The following DENND4A variants were observed in gnomAD, a reference collection of about 807,000 sequenced individuals.
DENND4A encodes DENN domain containing 4A.
Under a neutral mutation model 199.3 loss-of-function variants are expected in DENND4A, and 70 were observed. The ratio of observed to expected loss-of-function variants is 0.35; its 90% CI spans 0.29 to 0.43. The LOEUF (loss-of-function observed/expected upper bound fraction) is 0.43, where lower values mean the gene tolerates loss of function less well. Ranked by LOEUF, DENND4A falls within the 20% of genes least tolerant of loss-of-function variation. The pLI is 1.00. For missense variants in DENND4A, 1,723 were observed against 2,255.8 expected (o/e 0.76, Z 4.78); for synonymous variants, 686 against 766.9 (o/e 0.89, Z 1.74).
At chr15:65,729,809 T>C in intron 9 of DENND4A, 131 bp from the exon 10 acceptor site, 1 of 803,644 alleles carries the variant, frequency 1.2e-6, no homozygotes, top group Non-Finnish European at 1.9e-6. Context: ...ACAATTTGTA[T>C]TATATATTCA....
chr15:65,660,264 T>C lies in DENND4A; in HGVS notation c.*1587A>G. The stretch of plus-strand genomic sequence containing the variant: ...TGAAGTTTTACATTTTTAAACTCTC[T>C]CCATTATTTCCCAGAGTTGGAAGCT... On this transcript the variant is annotated 3_prime_UTR_variant, in exon 33 of 33. Transcript: ENST00000443035. 6.5e-7 allele frequency: 1 copy of C among 1,532,778 alleles called. No homozygotes were observed. The allele number at this position is 1,532,778 out of a possible 1,614,324, so 94.9% of individuals were successfully genotyped here. A position where few individuals can be genotyped will look rare whatever the true frequency, so the allele number is the denominator to read the frequency against.
chr15:65,748,940 C>T (rs941774289), intron 4 of DENND4A, among the ~76,000 whole-genome samples: 6 of 150,754 alleles, frequency 4.0e-5, no homozygotes, highest in South Asian at 2.1e-4. Context: ...CTACAATGAG[C>T]CATGAGCAGT....
intron 9 of DENND4A, among the ~76,000 whole-genome samples, chr15:65,731,014 G>A (rs1365026856): frequency 1.3e-5 from 2 of 151,940 alleles, no homozygotes; most frequent in African/African-American, 2.4e-5. Context: ...TTGTCACTCT[G>A]GGCTGAGAGC....
chr15:65,749,183 T>C (rs1379510317), intron 4 of DENND4A, among the ~76,000 whole-genome samples: 1 of 152,160 alleles, frequency 6.6e-6, no homozygotes, highest in Non-Finnish European at 1.5e-5. Flanking sequence ...TGCGCTTTGA[T>C]CCAGAAATTC....
intron 29 of DENND4A, 55 bp from the exon 30 acceptor site, chr15:65,665,517 G>A: frequency 1.5e-6 from 2 of 1,332,558 alleles, no homozygotes; most frequent in Non-Finnish European, 1.0e-6. Context: ...TTTTTCATAA[G>A]TATTTTATAA....
chr15:65,762,429 G>A (rs1420622396), intron 1 of DENND4A, among the ~76,000 whole-genome samples: 1 of 152,104 alleles, frequency 6.6e-6, no homozygotes, highest in Non-Finnish European at 1.5e-5. Flanking sequence ...TTCAAAGCCA[G>A]CCTGGGCAAT....
intron 23 of DENND4A, among the ~76,000 whole-genome samples, chr15:65,685,416 G>A (rs2076740545): frequency 1.3e-5 from 2 of 152,066 alleles, no homozygotes; most frequent in African/African-American, 4.8e-5. Context: ...GTGAGCCACC[G>A]CCAGCCCACA....
rs557296523 is a variant in DENND4A, at chr15:65,690,066, T to C, written c.4179+349A>G. 2.0e-5 allele frequency among the ~76,000 whole-genome samples: 3 copies of C among 152,288 alleles called. No homozygotes were observed. In the East Asian group the frequency reaches 5.8e-4, roughly 29 times the overall value. On this transcript the variant is annotated intron_variant, in intron 23 of 32. Coordinates refer to ENST00000443035, the MANE Select transcript of DENND4A (RefSeq NM_001320835.1). The stretch of plus-strand genomic sequence containing the variant: ...CCATCCTAACCAGAAGGGCAAATCA[T>C]ATGCCTGACTGGTAATTTTTGAGGG...
At chr15:65,741,368 T>C (rs1833785464) in intron 5 of DENND4A, among the ~76,000 whole-genome samples, 1 of 152,220 alleles carries the variant, frequency 6.6e-6, no homozygotes, top group African/African-American at 2.4e-5. Context: ...TGAAACATGA[T>C]TTCATGTGAA....
chr15:65,729,236 A>C lies in DENND4A; in HGVS notation c.1323T>G (p.Pro441=), dbSNP rs750828625. The change falls in exon 11 of 33, where the codon CCT becomes CCG. Residue 441 remains proline (P), a synonymous_variant. Transcript: ENST00000443035. ...VTEALVSMIF[P]FHWPCPYVPL... ...GAACATACGGGCATGGCCAGTGGAAAGGGAAAATCATCTTGGATAAACAAA... is the reference window on the plus strand; with the variant it reads ...GAACATACGGGCATGGCCAGTGGAACGGGAAAATCATCTTGGATAAACAAA... 1 of 1,574,004 alleles carries C rather than the reference A, an allele frequency of 6.4e-7. No homozygotes were observed. Among genetic ancestry groups the C allele is most frequent in the Non-Finnish European group, 8.6e-7 (1 of 1,158,856 alleles).
intron 1 of DENND4A, among the ~76,000 whole-genome samples, chr15:65,763,535 G>A (rs551945207): frequency 1.3e-5 from 2 of 152,048 alleles, no homozygotes; most frequent in South Asian, 4.2e-4. Context: ...GTAGCCAGGT[G>A]TTGGTGGTGC....
At chr15:65,734,102 AAG>A (rs2076040866) in intron 7 of DENND4A, among the ~76,000 whole-genome samples, 1 of 152,128 alleles carries the variant, frequency 6.6e-6, no homozygotes, top group Admixed American at 6.5e-5. Context: ...GGATTAGTAT[AAG>A]AGGAAGGCAT....
intron 24 of DENND4A, 44 bp downstream of exon 24, chr15:65,676,401 A>C (rs1289596607): frequency 2.8e-6 from 4 of 1,406,644 alleles, no homozygotes; most frequent in Non-Finnish European, 3.8e-6. Context: ...AATTCAAATG[A>C]AACTACAAAT....
chr15:65,787,593 C>T (rs759578674), intron 1 of DENND4A, among the ~76,000 whole-genome samples: 2 of 152,152 alleles, frequency 1.3e-5, no homozygotes, highest in African/African-American at 4.8e-5. Flanking sequence ...ATAGCATTCC[C>T]GAACCTACAA....
intron 23 of DENND4A, among the ~76,000 whole-genome samples, chr15:65,681,769 T>C (rs2141986630): frequency 6.6e-6 from 1 of 152,202 alleles, no homozygotes; most frequent in Admixed American, 6.5e-5. Flanking sequence ...GGTTTTGCCA[T>C]GTTGCCCAGA....
In DENND4A at chr15:65,660,071, C is replaced by T. The variant is rs779462365; in HGVS notation, c.*1780G>A. On this transcript the variant is annotated 3_prime_UTR_variant, in exon 33 of 33. Coordinates refer to ENST00000443035, the MANE Select transcript of DENND4A (RefSeq NM_001320835.1). ...AGCCTCCCCCCTCTGAAATGTTTCT[C>T]TCAGTTGACAACTTTCAAATGATTT... 2 of 477,352 alleles carry T rather than the reference C, an allele frequency of 4.2e-6. No homozygotes were observed. The highest frequency in any genetic ancestry group is 7.4e-6 in the Non-Finnish European group (2 of 269,642). 29.6% of individuals were successfully genotyped at this position (477,352 alleles called of 1,614,324 possible). A position where few individuals can be genotyped will look rare whatever the true frequency, so the allele number is the denominator to read the frequency against.
At chr15:65,786,218 T>C (rs945391741) in intron 1 of DENND4A, among the ~76,000 whole-genome samples, 5 of 152,166 alleles carry the variant, frequency 3.3e-5, no homozygotes, top group African/African-American at 1.2e-4. Context: ...AAATTGTATA[T>C]ATTCATTCAC....
intron 14 of DENND4A, 82 bp from the exon 15 acceptor site, chr15:65,706,306 C>A: frequency 3.1e-6 from 4 of 1,284,504 alleles, no homozygotes; most frequent in South Asian, 2.1e-5. Flanking sequence ...GTTAAATAAA[C>A]CATCTGCACA....
intron 5 of DENND4A, among the ~76,000 whole-genome samples, 188 bp from the exon 6 acceptor site, chr15:65,739,063 TTAAC>T (rs1171798651): frequency 1.3e-5 from 2 of 152,194 alleles, no homozygotes; most frequent in African/African-American, 2.4e-5. Context: ...ATTACAACTA[TTAAC>T]TAACTGCTTA....
Sources: gnomAD v4.1 joint callset for allele counts (sites outside exome capture counted in the v4.1 genomes callset) on GRCh38, gnomAD v4.1.1 for gene constraint, MANE v1.5 for transcripts, NCBI Gene and HGNC (gene_info 2026-07-23, HGNC 2026-07-21) for gene names.